PCDH9: variants seen among roughly 807,000 people sequenced by gnomAD.
PCDH9 encodes protocadherin 9, also known as protocadherin-9.
PCDH9 carries 24 observed loss-of-function variants against 70.6 expected under a neutral mutation model. The ratio of observed to expected loss-of-function variants is 0.34; its 90% confidence interval spans 0.25 to 0.48. PCDH9 has a LOEUF of 0.48. Ranked by LOEUF, PCDH9 falls within the 20% of genes least tolerant of loss-of-function variation. The pLI is 0.99. For synonymous variants in PCDH9, 562 were observed against 558.5 expected, an observed-to-expected ratio of 1.01 and a Z score of -0.09; for missense variants, 1,281 against 1,503.6, an observed-to-expected ratio of 0.85 and a Z score of 2.45.
rs192408519 is a variant in PCDH9, at chr13:67,057,945, T to C, written c.3037-154340A>G. Among the ~76,000 whole-genome samples the C allele has an allele frequency of 3.2e-4, 48 of 151,502 alleles. No individual in the cohort carries two copies. In the East Asian group the frequency reaches 8.6e-3, roughly 27 times the overall value. On this transcript the variant is annotated intron_variant, in intron 2 of 4. Coordinates refer to ENST00000377865, the MANE Select transcript of PCDH9 (RefSeq NM_203487.3). ...AGTGTTCTCTGAAACTCTGTAATTA[T>C]AAATGTGTAATTAAAAATCCAAAAA...
At chr13:66,868,467 T>C (rs1041323109) in intron 3 of PCDH9, among the ~76,000 whole-genome samples, 24 of 152,076 alleles carry the variant, frequency 1.6e-4, no homozygotes, top group Admixed American at 4.6e-4. Context: ...AATTTACCAA[T>C]GTACTTTTAC....
intron 4 of PCDH9, among the ~76,000 whole-genome samples, chr13:66,578,033 T>A (rs2076839017): frequency 6.6e-6 from 1 of 152,102 alleles, no homozygotes; most frequent in Non-Finnish European, 1.5e-5. Flanking sequence ...ATGTATACCA[T>A]ATATTTATCA....
intron 2 of PCDH9, among the ~76,000 whole-genome samples, chr13:67,154,733 C>A: frequency 7.4e-6 from 1 of 134,702 alleles, no homozygotes; most frequent in Non-Finnish European, 1.5e-5. Flanking sequence ...GAGACAGAGT[C>A]TCTGTCTGTC....
chr13:66,737,537 G>C (rs184348698), intron 3 of PCDH9, among the ~76,000 whole-genome samples: 1,683 of 152,266 alleles, frequency 0.011, 31 homozygotes, highest in African/African-American at 0.038. Context: ...AGCTCCCAGC[G>C]TGAGCGACGC....
At chr13:67,150,158 C>A (rs1408549241) in intron 2 of PCDH9, among the ~76,000 whole-genome samples, 1 of 152,134 alleles carries the variant, frequency 6.6e-6, no homozygotes, top group Non-Finnish European at 1.5e-5. Flanking sequence ...CTCAACTTCC[C>A]AAGTAGCTGG....
intron 4 of PCDH9, among the ~76,000 whole-genome samples, chr13:66,543,604 G>T (rs922670808): frequency 3.3e-5 from 5 of 151,838 alleles, no homozygotes; most frequent in Non-Finnish European, 1.5e-5. Flanking sequence ...AATTTAATCT[G>T]TTCAGTTAGT....
At chr13:67,053,153 A>G (rs1416628390) in intron 2 of PCDH9, among the ~76,000 whole-genome samples, 1 of 152,166 alleles carries the variant, frequency 6.6e-6, no homozygotes, top group East Asian at 1.9e-4. Context: ...CAAGCAGAAA[A>G]AAATGGGAAT....
intron 4 of PCDH9, among the ~76,000 whole-genome samples, chr13:66,555,059 C>T (rs1961667113): frequency 6.6e-6 from 1 of 152,060 alleles, no homozygotes; most frequent in African/African-American, 2.4e-5. Flanking sequence ...ATCCCAGCTA[C>T]TTGGGAGGCT....
chr13:66,365,403 G>T (rs1015116750), intron 4 of PCDH9, among the ~76,000 whole-genome samples: 1 of 152,098 alleles, frequency 6.6e-6, no homozygotes, highest in African/African-American at 2.4e-5. Context: ...TGTTATAACT[G>T]GCACAATGTC....
rs1156464382 is a variant in PCDH9 at position 67,006,127 on chromosome 13, T to C, written c.3037-102522A>G. On this transcript the variant is annotated intron_variant, in intron 2 of 4. Coordinates refer to ENST00000377865, the MANE Select transcript of PCDH9 (RefSeq NM_203487.3). The stretch of plus-strand genomic sequence containing the variant: ...CTGTAGTCCCAGCTACTCGGGAGGC[T>C]GAGGCAGGAGAATGGCGTGAACCCG... 4.6e-5 allele frequency among the ~76,000 whole-genome samples: 7 copies of C among 152,246 alleles called. No individual in the cohort carries two copies. The South Asian group carries it at 1.0e-3, about 23-fold the overall frequency.
intron 2 of PCDH9, chr13:67,219,746 G>T (rs961954673): frequency 1.3e-5 from 2 of 151,862 alleles, no homozygotes; most frequent in African/African-American, 2.4e-5. Context: ...TGTCAGAAAG[G>T]CCAAACCTTT....
intron 2 of PCDH9, among the ~76,000 whole-genome samples, chr13:66,929,279 T>C (rs1274431245): frequency 2.0e-5 from 3 of 151,702 alleles, no homozygotes; most frequent in Non-Finnish European, 4.4e-5. Context: ...TTGGCGGCCT[T>C]ATAACTTGTG....
chr13:66,634,695 A>T, intron 3 of PCDH9, among the ~76,000 whole-genome samples: 1 of 152,196 alleles, frequency 6.6e-6, no homozygotes, highest in East Asian at 1.9e-4. Flanking sequence ...AGTCAATAAA[A>T]AGTAGCTATA....
chr13:66,859,292 A>G (rs1336733845), intron 3 of PCDH9, among the ~76,000 whole-genome samples: 2 of 152,134 alleles, frequency 1.3e-5, no homozygotes, highest in Non-Finnish European at 2.9e-5. Context: ...TTTTTGGTGT[A>G]GTAATAGGTA....
intron 2 of PCDH9, among the ~76,000 whole-genome samples, chr13:67,042,231 A>G (rs2085134320): frequency 6.6e-6 from 1 of 152,148 alleles, no homozygotes; most frequent in African/African-American, 2.4e-5. Context: ...GTCCACTTTC[A>G]TACTGCTATA....
chr13:66,427,149 A>T (rs1355032945), intron 4 of PCDH9, among the ~76,000 whole-genome samples: 1 of 151,662 alleles, frequency 6.6e-6, no homozygotes, highest in African/African-American at 2.4e-5. Flanking sequence ...TTTTAAAGTT[A>T]TAAAAATAGA....
At chr13:66,399,549 C>A (rs1490661325) in intron 4 of PCDH9, among the ~76,000 whole-genome samples, 1 of 152,044 alleles carries the variant, frequency 6.6e-6, no homozygotes, top group Non-Finnish European at 1.5e-5. Context: ...AATATGAAAA[C>A]ACATTTGAGT....
At chr13:66,363,798 C>G (rs893993140) in intron 4 of PCDH9, among the ~76,000 whole-genome samples, 5 of 150,676 alleles carry the variant, frequency 3.3e-5, no homozygotes, top group Non-Finnish European at 4.4e-5. Flanking sequence ...TGTGTAGATA[C>G]TACATGAACA....
At chr13:66,543,775 T>C (rs1329295257) in intron 4 of PCDH9, among the ~76,000 whole-genome samples, 3 of 152,056 alleles carry the variant, frequency 2.0e-5, no homozygotes, top group African/African-American at 7.2e-5. Flanking sequence ...AAAGAAAATA[T>C]AGAAATGAAA....
Sources: gnomAD v4.1 joint callset for allele counts (sites outside exome capture counted in the v4.1 genomes callset) on GRCh38, gnomAD v4.1.1 for gene constraint, MANE v1.5 for transcripts, NCBI Gene and HGNC (gene_info 2026-07-23, HGNC 2026-07-21) for gene names.